ROBO2: variants seen among roughly 807,000 people sequenced by gnomAD.
ROBO2 encodes roundabout homolog 2.
In ROBO2, 53 loss-of-function variants were observed where a neutral mutation model predicts 160.8. The observed-to-expected ratio is 0.33, with a 90% confidence interval of 0.26 to 0.41. ROBO2 has a LOEUF of 0.41. Among genes scored for constraint, ROBO2 ranks in the 10% least tolerant of loss-of-function variants. The pLI is 1.00. For synonymous variants in ROBO2, 664 were observed against 611.7 expected (o/e 1.09, Z -1.26); for missense variants, 1,577 against 1,722.4 (o/e 0.92, Z 1.49).
At chr3:77,277,494 C>T (rs933475321) in intron 2 of ROBO2, among the ~76,000 whole-genome samples, 2 of 152,006 alleles carry the variant, frequency 1.3e-5, no homozygotes, top group African/African-American at 4.8e-5. Context: ...GTTGTTTCCC[C>T]ACTATGTGTC....
intron 2 of ROBO2, among the ~76,000 whole-genome samples, chr3:77,143,805 C>A (rs565742385): frequency 6.6e-6 from 1 of 151,994 alleles, no homozygotes; most frequent in South Asian, 2.1e-4. Context: ...ATTTCTTGCC[C>A]ATTTTTTTTT....
At chr3:77,626,487 C>T (rs876675) in intron 23 of ROBO2, among the ~76,000 whole-genome samples, 73,266 of 152,000 alleles carry the variant, frequency 0.48, 17,919 homozygotes, top group Middle Eastern at 0.62. Context: ...TCTGTTTGGG[C>T]TAGAAAGTAA....
At chr3:77,552,125 T>G (rs1456731673) in intron 8 of ROBO2, among the ~76,000 whole-genome samples, 1 of 152,008 alleles carries the variant, frequency 6.6e-6, no homozygotes, top group African/African-American at 2.4e-5. Context: ...TACCTCCATA[T>G]TTCTTTAAAA....
chr3:76,280,382 A>G (rs1708167250), intron 2 of ROBO2, among the ~76,000 whole-genome samples: 3 of 152,128 alleles, frequency 2.0e-5, no homozygotes, highest in South Asian at 4.1e-4. Flanking sequence ...TGGCCTTCTC[A>G]GAAGAGGAAA....
At chr3:76,548,235 C>T (rs2083221190) in intron 2 of ROBO2, among the ~76,000 whole-genome samples, 1 of 152,186 alleles carries the variant, frequency 6.6e-6, no homozygotes, top group Non-Finnish European at 1.5e-5. Context: ...ATTCAACAAA[C>T]AGTCATTGAA....
chr3:77,492,249 G>A (rs1411417623), intron 4 of ROBO2, among the ~76,000 whole-genome samples: 1 of 152,058 alleles, frequency 6.6e-6, no homozygotes, highest in Non-Finnish European at 1.5e-5. Flanking sequence ...TTGCAGATAT[G>A]GGCTAATAAA....
chr3:77,577,493 C>T, exon 15 of ROBO2: 1 of 1,613,332 alleles, frequency 6.2e-7, no homozygotes, highest in African/African-American at 1.3e-5. Flanking sequence ...TCTACAGCCC[C>T]AAGTGCCCCA....
chr3:77,098,459 C>T (rs1320587782), intron 2 of ROBO2, 119 bp downstream of exon 2: 2 of 1,036,586 alleles, frequency 1.9e-6, no homozygotes, highest in Admixed American at 4.0e-5. Context: ...CATAATTTTA[C>T]TTGGTCTTCT....
intron 3 of ROBO2, among the ~76,000 whole-genome samples, chr3:77,479,800 A>G (rs1689419177): frequency 6.6e-6 from 1 of 152,146 alleles, no homozygotes; most frequent in Non-Finnish European, 1.5e-5. Context: ...CAAGTCTGGC[A>G]ATTGGTTGAC....
At chr3:77,118,801 C>T (rs747028232) in intron 2 of ROBO2, among the ~76,000 whole-genome samples, 4 of 152,150 alleles carry the variant, frequency 2.6e-5, no homozygotes, top group Non-Finnish European at 4.4e-5. Flanking sequence ...AACATCATAT[C>T]CTGAACTTAC....
At chr3:76,537,502 G>A (rs963397993) in intron 2 of ROBO2, among the ~76,000 whole-genome samples, 3 of 152,032 alleles carry the variant, frequency 2.0e-5, no homozygotes, top group Admixed American at 6.6e-5. Context: ...GAAGGGTAGC[G>A]AGAGAGGCTG....
intron 2 of ROBO2, among the ~76,000 whole-genome samples, chr3:76,649,112 G>T (rs1319732560): frequency 5.3e-5 from 8 of 152,006 alleles, no homozygotes. Context: ...CTCAGAGGTG[G>T]TTTTTTTAAT....
intron 2 of ROBO2, among the ~76,000 whole-genome samples, chr3:76,743,477 G>C (rs933298104): frequency 2.6e-5 from 4 of 151,870 alleles, no homozygotes; most frequent in Non-Finnish European, 5.9e-5. Context: ...AAAGAGTACT[G>C]TTACTCATAG....
intron 2 of ROBO2, among the ~76,000 whole-genome samples, chr3:77,224,901 G>A (rs973035260): frequency 6.6e-6 from 1 of 151,914 alleles, no homozygotes; most frequent in South Asian, 2.1e-4. Flanking sequence ...AATAATATTT[G>A]ATTAGTCAAG....
intron 2 of ROBO2, among the ~76,000 whole-genome samples, chr3:76,799,207 C>A (rs2064006733): frequency 6.7e-6 from 1 of 149,666 alleles, no homozygotes. Flanking sequence ...GAGTGAGACT[C>A]CGTCTCAAAA....
At chr3:77,153,192 G>A (rs889286799) in intron 2 of ROBO2, among the ~76,000 whole-genome samples, 1 of 152,084 alleles carries the variant, frequency 6.6e-6, no homozygotes, top group African/African-American at 2.4e-5. Flanking sequence ...TAAACGTTTG[G>A]TAGACTTTTC....
intron 2 of ROBO2, among the ~76,000 whole-genome samples, chr3:76,705,401 C>T (rs1449677266): frequency 6.6e-6 from 1 of 151,934 alleles, no homozygotes; most frequent in Admixed American, 6.6e-5. Context: ...GTGATAAATA[C>T]GTAAAGGGGT....
chr3:76,639,668 G>A (rs1203690203), intron 2 of ROBO2, among the ~76,000 whole-genome samples: 1 of 152,078 alleles, frequency 6.6e-6, no homozygotes, highest in African/African-American at 2.4e-5. Context: ...TGCAGAGGTT[G>A]GTAGAGGGAG....
At chr3:77,478,279 A>G (rs2084281419) in intron 3 of ROBO2, among the ~76,000 whole-genome samples, 1 of 152,226 alleles carries the variant, frequency 6.6e-6, no homozygotes, top group East Asian at 1.9e-4. Flanking sequence ...AAGGTGATGA[A>G]TATCTCAAAT....
Sources: gnomAD v4.1 joint callset for allele counts (sites outside exome capture counted in the v4.1 genomes callset) on GRCh38, gnomAD v4.1.1 for gene constraint, MANE v1.5 for transcripts, NCBI Gene and HGNC (gene_info 2026-07-23, HGNC 2026-07-21) for gene names.